ITPR3: variants seen among roughly 807,000 people sequenced by gnomAD.
The protein encoded by ITPR3 is inositol 1,4,5-trisphosphate receptor type 3.
A neutral mutation model predicts 293.2 loss-of-function variants in ITPR3; 173 were observed. The ratio of observed to expected loss-of-function variants is 0.59; its 90% confidence interval spans 0.52 to 0.67. The LOEUF (loss-of-function observed/expected upper bound fraction) is 0.67, where lower values mean the gene tolerates loss of function less well. Ranked by LOEUF, ITPR3 falls within the 30% of genes least tolerant of loss-of-function variation. ITPR3 has a pLI of 0.00. For synonymous variants in ITPR3, 1,295 were observed against 1,444.4 expected (o/e 0.90, Z 2.35); for missense variants, 2,796 against 3,592.1 (o/e 0.78, Z 5.66).
At position 33,633,683 on chromosome 6, in the gene ITPR3, C is replaced by T. The variant is rs752005309; in HGVS notation, c.90-6801C>T. Among the ~76,000 whole-genome samples the T allele has an allele frequency of 9.4e-5, 14 of 149,642 alleles. No homozygotes were observed. Among genetic ancestry groups the T allele is most frequent in the Admixed American group, 3.3e-4 (5 of 15,042 alleles). On this transcript the variant is annotated intron_variant, in intron 1 of 57. Transcript: ENST00000605930. The surrounding 1 kb of genome is among the most constrained non-coding windows in gnomAD (Gnocchi z 5.2). ...CCGGGGCGAGGCCGCGCTGGCCCTC[C>T]CTTGGCGGCGGCGGCGCGTCGTGGG...
intron 50 of ITPR3, 139 bp from the exon 51 acceptor site, chr6:33,689,895 C>T: frequency 1.1e-6 from 1 of 933,824 alleles, no homozygotes; most frequent in Non-Finnish European, 1.6e-6. Context: ...TTCTGAGTCC[C>T]AGGCGCCTAG....
intron 3 of ITPR3, among the ~76,000 whole-genome samples, chr6:33,656,968 A>G (rs1437381084): frequency 6.6e-6 from 1 of 152,184 alleles, no homozygotes; most frequent in Non-Finnish European, 1.5e-5. Flanking sequence ...TGGGGGCTGC[A>G]ACAGGCTTCC....
At chr6:33,680,894 T>C (rs1179499700) in intron 33 of ITPR3, among the ~76,000 whole-genome samples, 11 of 150,996 alleles carry the variant, frequency 7.3e-5, no homozygotes, top group African/African-American at 1.7e-4. Flanking sequence ...GATCTCTGCT[T>C]ACTGCAAGCT....
rs1415946559 is a variant in ITPR3 at position 33,640,568 on chromosome 6, T to C, written c.160+14T>C. ...AGAAGTTCCGTGGTAAGACCTCCGC[T>C]TCCTCTGCCCCCGCCCCTCCCAGGC... On this transcript the variant is annotated intron_variant, in intron 2 of 57. Coordinates refer to ENST00000605930, the MANE Select transcript of ITPR3 (RefSeq NM_002224.4). The C allele has an allele frequency of 3.1e-6, 5 of 1,603,780 alleles. No homozygotes were observed. The highest frequency in any genetic ancestry group is 4.3e-6 in the Non-Finnish European group (5 of 1,174,282).
chr6:33,665,382 C>T (rs752825614), intron 13 of ITPR3, among the ~76,000 whole-genome samples, 169 bp downstream of exon 13: 23 of 152,222 alleles, frequency 1.5e-4, no homozygotes, highest in Non-Finnish European at 2.8e-4. Context: ...GGGTGCCTCA[C>T]GGCTTAGGTA....
At chr6:33,695,184 C>T (rs921215963) in intron 57 of ITPR3, 99 bp downstream of exon 57, 3 of 1,346,218 alleles carry the variant, frequency 2.2e-6, no homozygotes, top group Admixed American at 2.2e-5. Flanking sequence ...CCCCACTGGC[C>T]TCTGGCCCTG....
intron 56 of ITPR3, among the ~76,000 whole-genome samples, chr6:33,693,980 T>C (rs1453823423): frequency 6.6e-6 from 1 of 152,150 alleles, no homozygotes; most frequent in Non-Finnish European, 1.5e-5. Flanking sequence ...CACTTCTGGG[T>C]GTCAGGAAAA....
In ITPR3 at chr6:33,655,397, A is replaced by G. The variant is rs1379846433; in HGVS notation, c.161-369A>G. Among the ~76,000 whole-genome samples the G allele has an allele frequency of 1.3e-5, 2 of 152,144 alleles. No homozygotes were observed. Among genetic ancestry groups the G allele is most frequent in the African/African-American group, 2.4e-5 (1 of 41,430 alleles). ...AAGATGGTTTCCATCAGCCAAGGCA[A>G]TTAGCTAAAGAGGATGCAGATGTGA... is the stretch of plus-strand genomic sequence containing the variant. On this transcript the variant is annotated intron_variant, in intron 2 of 57. Coordinates refer to ENST00000605930, the MANE Select transcript of ITPR3 (RefSeq NM_002224.4). This position sits in a 1 kb window ranked among gnomAD's most constrained non-coding sequence, Gnocchi z 4.9.
chr6:33,629,387 C>T (rs1433441765), intron 1 of ITPR3, among the ~76,000 whole-genome samples: 1 of 151,976 alleles, frequency 6.6e-6, no homozygotes, highest in African/African-American at 2.4e-5. Context: ...ACCTCGAACT[C>T]CTGAGCTCAA....
chr6:33,650,419 AGATAC>A (rs1247780887), intron 2 of ITPR3, among the ~76,000 whole-genome samples: 1 of 152,364 alleles, frequency 6.6e-6, no homozygotes, highest in Non-Finnish European at 1.5e-5. Context: ...TTTCCAAGAA[AGATAC>A]GGAGGAGTCA....
intron 2 of ITPR3, among the ~76,000 whole-genome samples, chr6:33,647,876 C>T (rs564087146): frequency 1.2e-4 from 18 of 152,094 alleles, no homozygotes; most frequent in Admixed American, 9.2e-4. Flanking sequence ...GAATGCAAGC[C>T]CAGCACTGAG....
Position 33,665,088 on chromosome 6 carries a change from C to T in ITPR3, c.1284C>T (p.Ala428=). The part of the protein sequence containing the change: ...GTCPTKEDKE[A]FAIVSVPVSE... ...GCCCCACCAAGGAGGACAAGGAGGC[C>T]TTTGCCATCGTGTCAGTGCCCGTGT... is the stretch of plus-strand genomic sequence containing the variant. The change falls in exon 13 of 58, where the codon GCC becomes GCT. Residue 428 remains alanine, a synonymous_variant. Transcript: ENST00000605930. 3 of 1,614,054 alleles carry T rather than the reference C, an allele frequency of 1.9e-6. No individual in the cohort carries two copies. Among genetic ancestry groups the T allele is most frequent in the Non-Finnish European group, 2.5e-6 (3 of 1,180,024 alleles).
intron 2 of ITPR3, among the ~76,000 whole-genome samples, chr6:33,653,734 G>A (rs976349090): frequency 1.3e-5 from 2 of 152,198 alleles, no homozygotes; most frequent in Non-Finnish European, 2.9e-5. Flanking sequence ...CAGCAACCCT[G>A]TTCTGCTCAC....
In ITPR3 at chr6:33,663,378, TGGGAGG is replaced by T. The variant is rs5875457; in HGVS notation, c.955-120_955-115del. 0.52 allele frequency: 511,256 copies of T among 974,170 alleles called. 134,320 individuals are homozygous for T. The highest frequency in any genetic ancestry group is 0.58 in the African/African-American group (35,785 of 61,884). The allele number at this position is 974,170 out of a possible 1,614,324, so 60.3% of individuals were successfully genotyped here. ...TCCCCTGGAATGATATGGGCACCCC[TGGGAGG>T]GTGCAGCCTGCCTGCCCAAACCCAG... On this transcript the variant is annotated intron_variant, in intron 9 of 57. Coordinates refer to ENST00000605930, the MANE Select transcript of ITPR3 (RefSeq NM_002224.4).
rs771001199 is a variant in ITPR3 at position 33,683,164 on chromosome 6, GC to G, written c.4598-38del. The G allele has an allele frequency of 2.1e-6, 3 of 1,425,416 alleles. No homozygotes were observed. The highest frequency in any genetic ancestry group is 1.9e-6 in the Non-Finnish European group (2 of 1,068,992). 88.3% of individuals were successfully genotyped at this position (1,425,416 alleles called of 1,614,324 possible). A position where few individuals can be genotyped will look rare whatever the true frequency, so the allele number is the denominator to read the frequency against. ...AGCCTGGCCTCTGGCTGGCTGAACT[GC>G]CCCCGCACCAGCACTCCAGCACTCC... is the stretch of plus-strand genomic sequence containing the variant. On this transcript the variant is annotated intron_variant, in intron 34 of 57. Transcript: ENST00000605930. This position sits in a 1 kb window ranked among gnomAD's most constrained non-coding sequence, Gnocchi z 4.5.
chr6:33,636,151 A>C (rs1330711563), intron 1 of ITPR3, among the ~76,000 whole-genome samples: 3 of 136,112 alleles, frequency 2.2e-5, no homozygotes, highest in Non-Finnish European at 3.3e-5. Flanking sequence ...AAAAAAAAAA[A>C]ATTAGCTGGG....
rs976259293 is a variant in ITPR3, at chr6:33,672,643, G to C, written c.2928+415G>C. 6.6e-6 allele frequency among the ~76,000 whole-genome samples: 1 copy of C among 152,226 alleles called. No individual in the cohort carries two copies. The highest frequency in any genetic ancestry group is 2.4e-5 in the African/African-American group (1 of 41,446). On this transcript the variant is annotated intron_variant, in intron 22 of 57. Transcript: ENST00000605930. The surrounding 1 kb of genome is among the most constrained non-coding windows in gnomAD (Gnocchi z 5.0). ...GACCTACTGAGTCAGGAACACTGGAGAGGGGCCCTGTGGGCTGTGTTGTGA... is the reference window on the plus strand; with the variant it reads ...GACCTACTGAGTCAGGAACACTGGACAGGGGCCCTGTGGGCTGTGTTGTGA...
rs1333048476 is a variant in ITPR3, at chr6:33,675,894, C to T, written c.3282+38C>T. 1 of 1,516,510 alleles carries T rather than the reference C, an allele frequency of 6.6e-7. No individual in the cohort carries two copies. The highest frequency in any genetic ancestry group is 8.9e-7 in the Non-Finnish European group (1 of 1,128,146). 93.9% of individuals were successfully genotyped at this position (1,516,510 alleles called of 1,614,324 possible). Reference sequence around the variant, plus strand: ...CCTGGCCCTGGCCCTGAGCATGAGGCCTGCACCAGGCACGGGGGGACAGTA... The same window carrying T: ...CCTGGCCCTGGCCCTGAGCATGAGGTCTGCACCAGGCACGGGGGGACAGTA... On this transcript the variant is annotated intron_variant, in intron 25 of 57. Coordinates refer to ENST00000605930, the MANE Select transcript of ITPR3 (RefSeq NM_002224.4). The surrounding 1 kb of genome is among the most constrained non-coding windows in gnomAD (Gnocchi z 5.0).
chr6:33,621,484 C>T lies in ITPR3; in HGVS notation c.-119C>T, dbSNP rs1388351890. 5 of 645,474 alleles carry T rather than the reference C, an allele frequency of 7.7e-6. No individual in the cohort carries two copies. Among genetic ancestry groups the T allele is most frequent in the Non-Finnish European group, 1.3e-5 (5 of 386,470 alleles). 40.0% of individuals were successfully genotyped at this position (645,474 alleles called of 1,614,324 possible). Reference sequence around the variant, plus strand: ...AGCCCGCCCCGGCCGCACCGAGCGTCGGGATCCGAGGTGGGAGCGTACCCC... The same window carrying T: ...AGCCCGCCCCGGCCGCACCGAGCGTTGGGATCCGAGGTGGGAGCGTACCCC... On this transcript the variant is annotated 5_prime_UTR_variant, in exon 1 of 58. Coordinates refer to ENST00000605930, the MANE Select transcript of ITPR3 (RefSeq NM_002224.4). The surrounding 1 kb of genome is among the most constrained non-coding windows in gnomAD (Gnocchi z 7.7).
Sources: gnomAD v4.1 joint callset for allele counts (sites outside exome capture counted in the v4.1 genomes callset) on GRCh38, gnomAD v4.1.1 for gene constraint, Gnocchi (gnomAD v3.1) non-coding constraint, MANE v1.5 for transcripts, NCBI Gene and HGNC (gene_info 2026-07-23, HGNC 2026-07-21) for gene names.